ADK: variants seen among roughly 807,000 people sequenced by gnomAD.
The protein encoded by ADK is N6,N6-dimethyladenosine kinase.
Under a neutral mutation model 44.7 loss-of-function variants are expected in ADK, and 24 were observed. That is an observed-to-expected ratio of 0.54 (90% CI 0.39 to 0.76). ADK has a LOEUF of 0.76. Among genes scored for constraint, ADK ranks in the 30% least tolerant of loss-of-function variants. ADK has a pLI of 0.00. For missense variants in ADK, 321 were observed against 425.1 expected (o/e 0.76, Z 2.15); for synonymous variants, 128 against 142.6 (o/e 0.90, Z 0.73).
At chr10:74,371,325 C>T (rs1842650951) in intron 4 of ADK, among the ~76,000 whole-genome samples, 1 of 152,142 alleles carries the variant, frequency 6.6e-6, no homozygotes, top group Admixed American at 6.5e-5. Flanking sequence ...TATGCTTTAA[C>T]TGGATAAATA....
At chr10:74,171,648 G>T (rs1020567097) in intron 1 of ADK, among the ~76,000 whole-genome samples, 1 of 152,134 alleles carries the variant, frequency 6.6e-6, no homozygotes, top group African/African-American at 2.4e-5. Context: ...ACTACTGAAG[G>T]TTAAAAATTT....
chr10:74,691,436 A>C (rs555117463), intron 10 of ADK, among the ~76,000 whole-genome samples: 61 of 152,224 alleles, frequency 4.0e-4, no homozygotes, highest in Non-Finnish European at 7.2e-4. Flanking sequence ...GCTTGTCACT[A>C]CTATACAGTG....
At chr10:74,546,316 C>T (rs961538040) in intron 7 of ADK, among the ~76,000 whole-genome samples, 20 of 152,160 alleles carry the variant, frequency 1.3e-4, no homozygotes, top group African/African-American at 1.7e-4. Flanking sequence ...ACTAGGTCGA[C>T]TTAATGTGAT....
At chr10:74,280,329 CCTGACCTTGTGAT>C (rs1271793182) in intron 3 of ADK, among the ~76,000 whole-genome samples, 3 of 151,856 alleles carry the variant, frequency 2.0e-5, no homozygotes, top group African/African-American at 7.3e-5. Context: ...GTATGGATCT[CCTGACCTTGTGAT>C]CTACCCGCCT....
intron 7 of ADK, among the ~76,000 whole-genome samples, chr10:74,547,369 A>C (rs1362338220): frequency 6.6e-6 from 1 of 150,788 alleles, no homozygotes; most frequent in Non-Finnish European, 1.5e-5. Context: ...AGTGTTGTCA[A>C]CTGTTCTGTG....
intron 6 of ADK, among the ~76,000 whole-genome samples, chr10:74,501,656 G>C (rs1004815087): frequency 3.9e-5 from 6 of 152,074 alleles, no homozygotes; most frequent in Non-Finnish European, 7.4e-5. Flanking sequence ...TCCATACAAT[G>C]GAATATCATT....
chr10:74,467,029 G>T (rs770307352), intron 6 of ADK, among the ~76,000 whole-genome samples: 23 of 151,984 alleles, frequency 1.5e-4, no homozygotes, highest in Non-Finnish European at 3.2e-4. Flanking sequence ...ACATATTTTA[G>T]ATGTTTTTGT....
intron 6 of ADK, among the ~76,000 whole-genome samples, chr10:74,435,208 T>G (rs1195654055): frequency 6.6e-6 from 1 of 152,236 alleles, no homozygotes; most frequent in African/African-American, 2.4e-5. Flanking sequence ...GAGTGATAAC[T>G]GCTAGATGGA....
At chr10:74,205,946 TTAAA>T (rs1438015014) in intron 2 of ADK, among the ~76,000 whole-genome samples, 2 of 152,204 alleles carry the variant, frequency 1.3e-5, no homozygotes, top group African/African-American at 4.8e-5. Flanking sequence ...ATTGTATACT[TTAAA>T]TGTCTACAGT....
chr10:74,429,094 T>A (rs964936526), intron 6 of ADK, among the ~76,000 whole-genome samples: 4 of 152,228 alleles, frequency 2.6e-5, no homozygotes, highest in Non-Finnish European at 5.9e-5. Flanking sequence ...TTGGAACTTT[T>A]TGTACATTGA....
intron 9 of ADK, among the ~76,000 whole-genome samples, chr10:74,651,342 T>C (rs1163985329): frequency 6.6e-6 from 1 of 152,206 alleles, no homozygotes; most frequent in Non-Finnish European, 1.5e-5. Context: ...TTAAAATTTT[T>C]TGATAGACAC....
intron 6 of ADK, among the ~76,000 whole-genome samples, chr10:74,427,488 G>A (rs1272690026): frequency 2.0e-5 from 3 of 152,128 alleles, no homozygotes; most frequent in Non-Finnish European, 4.4e-5. Flanking sequence ...GTGAGCCACC[G>A]TGCCCGGCCT....
At chr10:74,176,403 G>A in intron 1 of ADK, 1 of 973,364 alleles carries the variant, frequency 1.0e-6, no homozygotes, top group African/African-American at 1.8e-5. Flanking sequence ...CCCTGACAGC[G>A]CCTCTTTCCT....
intron 7 of ADK, among the ~76,000 whole-genome samples, chr10:74,541,254 A>G (rs1388478582): frequency 6.6e-6 from 1 of 152,158 alleles, no homozygotes; most frequent in Non-Finnish European, 1.5e-5. Flanking sequence ...ACCTCAGGTG[A>G]TTGGCCTGCC....
intron 7 of ADK, among the ~76,000 whole-genome samples, chr10:74,544,251 G>A (rs949854124): frequency 6.6e-6 from 1 of 152,194 alleles, no homozygotes; most frequent in Middle Eastern, 3.4e-3. Context: ...CTTTCTGACC[G>A]GAAGTTCCAA....
intron 1 of ADK, chr10:74,174,721 CTTGTGGACCT>C (rs1275628865): frequency 6.6e-6 from 1 of 152,264 alleles, no homozygotes; most frequent in East Asian, 1.9e-4. Context: ...ACTAATTCTG[CTTGTGGACCT>C]TCGGTCAAAG....
At chr10:74,379,027 G>A (rs1424829492) in intron 4 of ADK, among the ~76,000 whole-genome samples, 2 of 152,178 alleles carry the variant, frequency 1.3e-5, no homozygotes, top group Non-Finnish European at 2.9e-5. Context: ...AGACAATGGA[G>A]TTAGAGAGGC....
At chr10:74,520,696 G>T (rs1311706265) in intron 6 of ADK, among the ~76,000 whole-genome samples, 1 of 151,946 alleles carries the variant, frequency 6.6e-6, no homozygotes. Flanking sequence ...AATCCTTAGA[G>T]TGGTTGTGTA....
chr10:74,391,031 A>G (rs995203765), intron 4 of ADK, among the ~76,000 whole-genome samples: 1 of 152,088 alleles, frequency 6.6e-6, no homozygotes, highest in African/African-American at 2.4e-5. Flanking sequence ...AACAGCATCA[A>G]CTTTATATTC....
Sources: gnomAD v4.1 joint callset for allele counts (sites outside exome capture counted in the v4.1 genomes callset) on GRCh38, gnomAD v4.1.1 for gene constraint, MANE v1.5 for transcripts, NCBI Gene and HGNC (gene_info 2026-07-23, HGNC 2026-07-21) for gene names.